The following RBFOX1 variants were observed in gnomAD, a reference collection of about 807,000 sequenced individuals.
RBFOX1 encodes the protein RNA binding fox-1 homolog 1.
In RBFOX1, 8 loss-of-function variants were observed where a neutral mutation model predicts 57.7. The ratio of observed to expected loss-of-function variants is 0.14; its 90% CI spans 0.08 to 0.25. RBFOX1 has a LOEUF of 0.25. Among genes scored for constraint, RBFOX1 ranks in the 10% least tolerant of loss-of-function variants. The probability of loss-of-function intolerance (pLI) is 1.00; values close to 1 mark genes in which losing one functional copy is unlikely to be tolerated. For missense variants in RBFOX1, 611 were observed against 548.5 expected (o/e 1.11, Z -1.14); for synonymous variants, 326 against 222.4 (o/e 1.47, Z -4.15).
chr16:6,961,615 T>C (rs1342641455), intron 3 of RBFOX1, among the ~76,000 whole-genome samples: 1 of 152,130 alleles, frequency 6.6e-6, no homozygotes, highest in Non-Finnish European at 1.5e-5. Context: ...TGGCTACTAT[T>C]ATGGTTATTT....
intron 3 of RBFOX1, among the ~76,000 whole-genome samples, chr16:5,826,755 A>T (rs2056069912): frequency 6.6e-6 from 1 of 152,202 alleles, no homozygotes; most frequent in South Asian, 2.1e-4. Context: ...AATTTTTTAT[A>T]TGTGTATTTT....
chr16:5,947,529 C>T lies in RBFOX1; in HGVS notation c.351+80194C>T, dbSNP rs991367139. On this transcript the variant is annotated intron_variant, in intron 4 of 19. Transcript: ENST00000641259. This position sits in a 1 kb window ranked among gnomAD's most constrained non-coding sequence, Gnocchi z 7.2. The stretch of plus-strand genomic sequence containing the variant: ...TAGAGACAGGGGTCTCTGTATGTTG[C>T]CTAGGCTGGTGTCAGACTCCTAGCC... 5.9e-5 allele frequency among the ~76,000 whole-genome samples: 9 copies of T among 152,132 alleles called. No individual in the cohort carries two copies. The highest frequency in any genetic ancestry group is 8.8e-5 in the Non-Finnish European group (6 of 68,028).
At chr16:7,500,677 G>C (rs2070462790) in intron 4 of RBFOX1, among the ~76,000 whole-genome samples, 1 of 152,140 alleles carries the variant, frequency 6.6e-6, no homozygotes, top group Non-Finnish European at 1.5e-5. Context: ...CCACTAAATA[G>C]ATGTGAATGA....
At chr16:6,762,086 T>G (rs1427431440) in intron 3 of RBFOX1, among the ~76,000 whole-genome samples, 1 of 152,194 alleles carries the variant, frequency 6.6e-6, no homozygotes, top group Non-Finnish European at 1.5e-5. Flanking sequence ...TGTGGTTCTA[T>G]CTTCTGCTAG....
chr16:6,747,730 C>T (rs188098072), intron 3 of RBFOX1, among the ~76,000 whole-genome samples: 20 of 152,234 alleles, frequency 1.3e-4, no homozygotes, highest in South Asian at 2.1e-4. Context: ...GGGCACCATC[C>T]GCTTCATGGA....
chr16:5,569,816 C>G (rs2046216712), intron 2 of RBFOX1, among the ~76,000 whole-genome samples: 1 of 152,110 alleles, frequency 6.6e-6, no homozygotes, highest in Non-Finnish European at 1.5e-5. Flanking sequence ...TTTCTCTCCT[C>G]TTCCTTTCTT....
intron 1 of RBFOX1, among the ~76,000 whole-genome samples, chr16:5,302,103 G>C (rs1346304033): frequency 6.6e-6 from 1 of 151,918 alleles, no homozygotes; most frequent in Non-Finnish European, 1.5e-5. Flanking sequence ...GGCTAGTGCT[G>C]GTTTATCTGC....
chr16:6,986,740 A>G (rs1359423737), intron 3 of RBFOX1, among the ~76,000 whole-genome samples: 1 of 151,850 alleles, frequency 6.6e-6, no homozygotes, highest in African/African-American at 2.4e-5. Context: ...TTTCGTGACA[A>G]GAAAGAAGGT....
rs112167780 is a variant in RBFOX1, at chr16:5,530,868, A to G, written c.258+63614A>G. On this transcript the variant is annotated intron_variant, in intron 2 of 2. Transcript: ENST00000585867. The stretch of plus-strand genomic sequence containing the variant: ...TTTGGGAGGCCTAGGTGGGCGGATC[A>G]TCTGAGGTCAGGAGTTCGAGACCAG... Among the ~76,000 whole-genome samples, 841 of 147,236 alleles carry G rather than the reference A, an allele frequency of 5.7e-3. 16 individuals carry two copies. The highest frequency in any genetic ancestry group is 0.02 in the African/African-American group (797 of 40,344).
intron 3 of RBFOX1, among the ~76,000 whole-genome samples, chr16:7,043,542 T>C (rs1335123129): frequency 6.6e-6 from 1 of 152,204 alleles, no homozygotes; most frequent in Non-Finnish European, 1.5e-5. Flanking sequence ...GAGTTTATAA[T>C]GATTACAAAA....
intron 7 of RBFOX1, among the ~76,000 whole-genome samples, chr16:7,592,285 G>C (rs1194349832): frequency 6.6e-6 from 1 of 152,164 alleles, no homozygotes; most frequent in Non-Finnish European, 1.5e-5. Context: ...GAATAGATGA[G>C]GCTATTTCCT....
chr16:5,432,767 C>T (rs2067792487), intron 1 of RBFOX1, among the ~76,000 whole-genome samples: 1 of 151,876 alleles, frequency 6.6e-6, no homozygotes, highest in Admixed American at 6.6e-5. Context: ...ATTAATGAGG[C>T]CCGTATTTTT....
At chr16:5,334,246 T>A (rs1292607266) in intron 1 of RBFOX1, among the ~76,000 whole-genome samples, 2 of 152,202 alleles carry the variant, frequency 1.3e-5, no homozygotes, top group East Asian at 3.9e-4. Flanking sequence ...GGCTGGTATG[T>A]CTCTGCTCAG....
At chr16:7,365,968 A>C (rs1041893540) in intron 4 of RBFOX1, among the ~76,000 whole-genome samples, 1 of 152,190 alleles carries the variant, frequency 6.6e-6, no homozygotes, top group Non-Finnish European at 1.5e-5. Context: ...TGCTAATAGA[A>C]GGTGGGTGAG....
Position 7,418,970 on chromosome 16 carries a change from T to A in RBFOX1, c.28-99177T>A, listed in dbSNP as rs369859115. Among the ~76,000 whole-genome samples, 8 of 152,236 alleles carry A rather than the reference T, an allele frequency of 5.3e-5. No individual in the cohort carries two copies. In the East Asian group the frequency reaches 9.7e-4, roughly 18 times the overall value. On this transcript the variant is annotated intron_variant, in intron 4 of 15. Coordinates refer to ENST00000550418, the MANE Select transcript of RBFOX1 (RefSeq NM_018723.4). Reference sequence around the variant, plus strand: ...CCCAGGTTGGAGTGCAGTGGCACAATCAGAGCTCACTGCACCCTTGACCTC... The same window carrying A: ...CCCAGGTTGGAGTGCAGTGGCACAAACAGAGCTCACTGCACCCTTGACCTC...
In RBFOX1 at chr16:7,607,350, C is replaced by G. The variant is rs748651106; in HGVS notation, c.676+12C>G. The G allele has an allele frequency of 4.4e-6, 7 of 1,606,898 alleles. No homozygotes were observed. The African/African-American group carries it at 8.0e-5, about 18-fold the overall frequency. On this transcript the variant is annotated intron_variant, in intron 10 of 15. Coordinates refer to ENST00000550418, the MANE Select transcript of RBFOX1 (RefSeq NM_018723.4). ...CGAATTCTATGCAGGTACAGAGTTT[C>G]TCTTTGCACGAAGTCTTCTCAGTCT...
intron 1 of RBFOX1, chr16:6,092,632 T>C (rs2096191890): frequency 6.6e-6 from 1 of 152,218 alleles, no homozygotes; most frequent in South Asian, 2.1e-4. Flanking sequence ...CCAGTACCAT[T>C]TATTGAATAG....
intron 1 of RBFOX1, among the ~76,000 whole-genome samples, chr16:6,040,032 C>T (rs1276680254): frequency 6.6e-6 from 1 of 152,146 alleles, no homozygotes; most frequent in African/African-American, 2.4e-5. Flanking sequence ...AGAGAGAGTC[C>T]ATGACTTTTT....
At chr16:6,622,021 C>CT (rs1219989576) in intron 2 of RBFOX1, among the ~76,000 whole-genome samples, 1 of 152,160 alleles carries the variant, frequency 6.6e-6, no homozygotes, top group African/African-American at 2.4e-5. Context: ...ATTTTCAAGC[C>CT]TTTACAAGAC....
Sources: allele counts gnomAD v4.1 joint callset (sites outside exome capture counted in the v4.1 genomes callset), GRCh38; gene constraint gnomAD v4.1.1; non-coding constraint Gnocchi (gnomAD v3.1); transcripts MANE v1.5; gene names NCBI Gene and HGNC (gene_info 2026-07-23, HGNC 2026-07-21).